Variants in THSD7B observed in about 807,000 individuals in gnomAD.
The protein encoded by THSD7B is thrombospondin type 1 domain containing 7B, also known as thrombospondin type-1 domain-containing protein 7B.
A neutral mutation model predicts 213.6 loss-of-function variants in THSD7B; 138 were observed. The ratio of observed to expected loss-of-function variants is 0.65; its 90% CI spans 0.56 to 0.74. The LOEUF is 0.74. Ranked by LOEUF, THSD7B falls within the 30% of genes least tolerant of loss-of-function variation. The pLI, the probability that THSD7B is intolerant of heterozygous loss-of-function variation, is 0.00. For missense variants in THSD7B, 1,931 were observed against 1,991.5 expected, an observed-to-expected ratio of 0.97 and a Z score of 0.58; for synonymous variants, 742 against 687.0, an observed-to-expected ratio of 1.08 and a Z score of -1.25.
intron 1 of THSD7B, among the ~76,000 whole-genome samples, chr2:136,790,671 A>C (rs1008800400): frequency 1.6e-4 from 25 of 152,126 alleles, no homozygotes; most frequent in African/African-American, 6.0e-4. Context: ...GATAGTTAGC[A>C]TATTGGGGGT....
At position 137,082,533 on chromosome 2, in the gene THSD7B, A is replaced by AT. The variant is rs138126542; in HGVS notation, c.951-12336dup. On this transcript the variant is annotated intron_variant, in intron 3 of 27. Coordinates refer to ENST00000409968, the MANE Select transcript of THSD7B (RefSeq NM_001316349.2). ...TCTATAACAACAAGAGCTCTCAAAT[A>AT]TTTTAACTTTAAACATAATTTCGGT... Among the ~76,000 whole-genome samples, 786 of 152,272 alleles carry AT rather than the reference A, an allele frequency of 5.2e-3. 20 individuals carry two copies. In the South Asian group the frequency reaches 0.059, roughly 11 times the overall value.
chr2:136,937,360 C>T (rs1026585570), intron 2 of THSD7B, among the ~76,000 whole-genome samples: 8 of 151,918 alleles, frequency 5.3e-5, no homozygotes, highest in Admixed American at 5.3e-4. Context: ...CTAGACAGTC[C>T]TCATCAATCT....
chr2:137,026,021 A>G (rs1292145380), intron 2 of THSD7B, among the ~76,000 whole-genome samples: 1 of 152,128 alleles, frequency 6.6e-6, no homozygotes, highest in African/African-American at 2.4e-5. Flanking sequence ...TCTCTGAGCA[A>G]TGCTCAGTTC....
chr2:137,272,580 G>A lies in THSD7B; in HGVS notation c.2314G>A (p.Ala772Thr), dbSNP rs752449766. The A allele has an allele frequency of 1.4e-5, 23 of 1,612,016 alleles. No individual in the cohort carries two copies. Among genetic ancestry groups the A allele is most frequent in the Non-Finnish European group, 2.0e-5 (23 of 1,178,966 alleles). ...QSRYRIIIQEAANGGQECPDT... is the reference protein window; with the variant it reads ...QSRYRIIIQETANGGQECPDT... ...TCGATACAGAATCATCATCCAAGAAGCAGCCAATGGAGGCCAGGAATGCCC... is the reference window on the plus strand; with the variant it reads ...TCGATACAGAATCATCATCCAAGAAACAGCCAATGGAGGCCAGGAATGCCC... The change falls in exon 11 of 28, where the codon GCA (alanine) becomes ACA (threonine). Residue 772 changes from alanine (A) to threonine (T), a missense_variant. Ala to Thr is a moderately conservative substitution (Grantham distance 58). Coordinates refer to ENST00000409968, the MANE Select transcript of THSD7B (RefSeq NM_001316349.2).
At chr2:136,968,155 A>G (rs146526310) in intron 2 of THSD7B, among the ~76,000 whole-genome samples, 168 of 152,272 alleles carry the variant, frequency 1.1e-3, no homozygotes, top group South Asian at 1.9e-3. Context: ...CTGGGCATGT[A>G]TATCTTCAAT....
chr2:137,212,055 G>C (rs1681124694), intron 7 of THSD7B, among the ~76,000 whole-genome samples: 1 of 151,956 alleles, frequency 6.6e-6, no homozygotes, highest in South Asian at 2.1e-4. Context: ...AATTACACTA[G>C]TATTTTTGGT....
chr2:137,332,200 G>T (rs1684528124), intron 12 of THSD7B, among the ~76,000 whole-genome samples: 1 of 152,114 alleles, frequency 6.6e-6, no homozygotes, highest in South Asian at 2.1e-4. Flanking sequence ...GCTGTACCCT[G>T]CAAAGCCACG....
At chr2:137,422,068 G>A (rs1686940843) in intron 14 of THSD7B, among the ~76,000 whole-genome samples, 1 of 152,138 alleles carries the variant, frequency 6.6e-6, no homozygotes, top group African/African-American at 2.4e-5. Flanking sequence ...AGAAGTGCAA[G>A]TGAAAAACAA....
Position 137,472,658 on chromosome 2 carries a change from G to A in THSD7B, c.3138+21635G>A, listed in dbSNP as rs139587593. Among the ~76,000 whole-genome samples the A allele has an allele frequency of 3.9e-5, 6 of 152,218 alleles. No individual in the cohort carries two copies. In the East Asian group the frequency reaches 1.2e-3, roughly 29 times the overall value. ...TTCAGCCTTACCCAGATATGTAGGTGGAAAAAGGAGAAGTATTATAGTAGA... is the reference window on the plus strand; with the variant it reads ...TTCAGCCTTACCCAGATATGTAGGTAGAAAAAGGAGAAGTATTATAGTAGA... On this transcript the variant is annotated intron_variant, in intron 15 of 27. Coordinates refer to ENST00000409968, the MANE Select transcript of THSD7B (RefSeq NM_001316349.2).
In THSD7B at chr2:137,263,435, A is replaced by T. The variant is rs536003718; in HGVS notation, c.2267-9098A>T. ...AAGGTTAAGTGCCTTGCCCAAGGTC[A>T]TATAGCAATTCAGTAATGAGATGGG... On this transcript the variant is annotated intron_variant, in intron 10 of 27. Coordinates refer to ENST00000409968, the MANE Select transcript of THSD7B (RefSeq NM_001316349.2). Among the ~76,000 whole-genome samples the T allele has an allele frequency of 1.3e-5, 2 of 152,316 alleles. 1 individual carries two copies. Among genetic ancestry groups the T allele is most frequent in the African/African-American group, 4.8e-5 (2 of 41,572 alleles).
intron 20 of THSD7B, among the ~76,000 whole-genome samples, chr2:137,633,137 A>G (rs1292321312): frequency 6.6e-6 from 1 of 152,208 alleles, no homozygotes; most frequent in Non-Finnish European, 1.5e-5. Flanking sequence ...CACCAGTAAT[A>G]TTTAAAATAA....
intron 24 of THSD7B, among the ~76,000 whole-genome samples, chr2:137,657,531 C>T (rs1388350911): frequency 6.6e-6 from 1 of 152,078 alleles, no homozygotes; most frequent in Admixed American, 6.6e-5. Context: ...TGACATAAAA[C>T]ATACTCAGAA....
At position 137,659,685 on chromosome 2, in the gene THSD7B, G is replaced by A. The variant is rs377317035; in HGVS notation, c.4397G>A (p.Arg1466His). Residue 1466 changes from arginine to histidine, a missense_variant, in exon 25 of 28, where the codon CGT becomes CAT. Coordinates refer to ENST00000409968, the MANE Select transcript of THSD7B (RefSeq NM_001316349.2). ...NVTGGCSPQA[R>H]PAAIRQCIPA... ...GCAGGAGGCTGCTCCCCTCAGGCCC[G>A]TCCTGCTGCCATTCGGCAGTGCATT... 2.9e-5 allele frequency: 46 copies of A among 1,603,178 alleles called. No homozygotes were observed. The highest frequency in any genetic ancestry group is 6.8e-5 in the South Asian group (6 of 88,878).
intron 5 of THSD7B, among the ~76,000 whole-genome samples, chr2:137,148,307 C>T (rs1300520343): frequency 6.6e-6 from 1 of 152,138 alleles, no homozygotes; most frequent in Non-Finnish European, 1.5e-5. Context: ...TCAATTAAAC[C>T]TCTTTCCTAT....
chr2:137,092,272 T>G (rs1687962243), intron 3 of THSD7B, among the ~76,000 whole-genome samples: 1 of 151,632 alleles, frequency 6.6e-6, no homozygotes, highest in South Asian at 2.1e-4. Context: ...AATTAGACAG[T>G]TGTGGTGTTG....
chr2:137,461,615 C>T (rs1226307724), intron 15 of THSD7B, among the ~76,000 whole-genome samples: 1 of 152,232 alleles, frequency 6.6e-6, no homozygotes, highest in Middle Eastern at 3.4e-3. Context: ...ATCTATTCTT[C>T]GTACAGAAAC....
At chr2:137,345,799 A>G (rs1357719358) in intron 12 of THSD7B, among the ~76,000 whole-genome samples, 3 of 151,636 alleles carry the variant, frequency 2.0e-5, no homozygotes, top group African/African-American at 7.3e-5. Flanking sequence ...GATGTGAGCA[A>G]TTCAGCTGAT....
chr2:136,833,386 A>AAG (rs397968200), intron 1 of THSD7B, among the ~76,000 whole-genome samples: 4 of 128,448 alleles, frequency 3.1e-5, no homozygotes, highest in African/African-American at 1.3e-4. Flanking sequence ...AAAAAAAAAA[A>AAG]GAGAGAGAGA....
At chr2:137,077,531 G>A (rs1163344409) in intron 3 of THSD7B, among the ~76,000 whole-genome samples, 1 of 152,128 alleles carries the variant, frequency 6.6e-6, no homozygotes, top group Non-Finnish European at 1.5e-5. Flanking sequence ...ACTGGTGTGA[G>A]ATGGTATCTC....
Sources: gnomAD v4.1 joint callset for allele counts (sites outside exome capture counted in the v4.1 genomes callset) on GRCh38, gnomAD v4.1.1 for gene constraint, MANE v1.5 for transcripts, NCBI Gene and HGNC (gene_info 2026-07-23, HGNC 2026-07-21) for gene names.